Variants in MGAT4C observed in about 807,000 individuals in gnomAD.
The protein encoded by MGAT4C is MGAT4 family member C.
Under a neutral mutation model 40.1 loss-of-function variants are expected in MGAT4C, and 19 were observed. That is an observed-to-expected ratio of 0.47 (90% CI 0.33 to 0.70). MGAT4C has a LOEUF of 0.70. MGAT4C is among the 30% of genes least tolerant of loss of function. The pLI is 0.02. For missense variants in MGAT4C, 491 were observed against 563.2 expected, an observed-to-expected ratio of 0.87 and a Z score of 1.30; for synonymous variants, 181 against 187.1, an observed-to-expected ratio of 0.97 and a Z score of 0.27.
intron 1 of MGAT4C, among the ~76,000 whole-genome samples, chr12:86,253,269 A>C (rs1952377103): frequency 1.3e-5 from 2 of 151,906 alleles, no homozygotes. Flanking sequence ...TACCTAGAAG[A>C]GTGCCTGGCA....
chr12:86,254,086 A>C (rs368068650), intron 1 of MGAT4C, among the ~76,000 whole-genome samples: 52 of 152,036 alleles, frequency 3.4e-4, no homozygotes, highest in African/African-American at 1.1e-3. Flanking sequence ...ATTTAAAAGG[A>C]GGCAGAGAAT....
chr12:85,960,238 T>C lies in MGAT4C; in HGVS notation c.*19051A>G, dbSNP rs1454705301. 6.6e-6 allele frequency: 1 copy of C among 152,066 alleles called. No individual in the cohort carries two copies. The highest frequency in any genetic ancestry group is 2.4e-5 in the African/African-American group (1 of 41,442). 9.4% of individuals were successfully genotyped at this position (152,066 alleles called of 1,614,324 possible). ...AAATTTTCATCAAACGTCTTTGTCT[T>C]ATCCCCTTGTTATACAGACAAAGAT... On this transcript the variant is annotated 3_prime_UTR_variant, in exon 5 of 5. Coordinates refer to ENST00000611864, the MANE Select transcript of MGAT4C (RefSeq NM_001351288.2).
intron 2 of MGAT4C, among the ~76,000 whole-genome samples, chr12:86,528,846 T>C (rs766125146): frequency 1.3e-5 from 2 of 152,054 alleles, no homozygotes; most frequent in Non-Finnish European, 2.9e-5. Context: ...CAGTTGATAA[T>C]TGAAGCTATC....
intron 2 of MGAT4C, among the ~76,000 whole-genome samples, chr12:86,493,999 A>G (rs982570493): frequency 6.6e-6 from 1 of 152,006 alleles, no homozygotes. Context: ...GACATACAAT[A>G]AAATATCCTA....
Position 85,965,404 on chromosome 12 carries a change from T to C in MGAT4C, c.*13885A>G, listed in dbSNP as rs1031856485. 1 of 151,978 alleles carries C rather than the reference T, an allele frequency of 6.6e-6. No individual in the cohort carries two copies. Among genetic ancestry groups the C allele is most frequent in the Non-Finnish European group, 1.5e-5 (1 of 68,072 alleles). 9.4% of individuals were successfully genotyped at this position (151,978 alleles called of 1,614,324 possible). A position where few individuals can be genotyped will look rare whatever the true frequency, so the allele number is the denominator to read the frequency against. On this transcript the variant is annotated 3_prime_UTR_variant, in exon 5 of 5. Transcript: ENST00000611864. ...CGAGGTCAGGAGATCGAGAGCATCCTGGCTAACAAGGTGAAACCCCGTCTC... is the reference window on the plus strand; with the variant it reads ...CGAGGTCAGGAGATCGAGAGCATCCCGGCTAACAAGGTGAAACCCCGTCTC...
intron 1 of MGAT4C, among the ~76,000 whole-genome samples, chr12:86,088,228 T>C (rs1872263780): frequency 6.6e-6 from 1 of 151,998 alleles, no homozygotes; most frequent in Non-Finnish European, 1.5e-5. Context: ...CAACTCAAGA[T>C]GAATTAAAGA....
intron 1 of MGAT4C, among the ~76,000 whole-genome samples, chr12:86,231,372 T>G (rs2136015668): frequency 6.6e-6 from 1 of 152,294 alleles, no homozygotes; most frequent in Non-Finnish European, 1.5e-5. Context: ...CCCTACTTAT[T>G]ATATTTGTGT....
At chr12:86,773,325 G>T (rs1333355746) in intron 1 of MGAT4C, among the ~76,000 whole-genome samples, 1 of 152,066 alleles carries the variant, frequency 6.6e-6, no homozygotes. Flanking sequence ...ACAGGGAGAA[G>T]ATAGCCACCT....
chr12:86,098,357 G>C (rs1018402780), intron 1 of MGAT4C, among the ~76,000 whole-genome samples: 1 of 151,542 alleles, frequency 6.6e-6, no homozygotes, highest in South Asian at 2.1e-4. Context: ...TGTCTGAAAT[G>C]ATTTGGCCAC....
At chr12:86,476,199 G>A (rs1376650378) in intron 2 of MGAT4C, among the ~76,000 whole-genome samples, 1 of 151,896 alleles carries the variant, frequency 6.6e-6, no homozygotes, top group East Asian at 1.9e-4. Flanking sequence ...ATCTGACAAA[G>A]GTTTAATATC....
At chr12:86,018,365 C>A (rs962294690) in intron 2 of MGAT4C, among the ~76,000 whole-genome samples, 6 of 152,184 alleles carry the variant, frequency 3.9e-5, no homozygotes, top group African/African-American at 1.4e-4. Flanking sequence ...CTTAACCTCA[C>A]GTCAGGGAAA....
At position 85,965,034 on chromosome 12, in the gene MGAT4C, C is replaced by A. The variant is rs1883284587; in HGVS notation, c.*14255G>T. On this transcript the variant is annotated 3_prime_UTR_variant, in exon 5 of 5. Transcript: ENST00000611864. ...TGGAGGTCATGGATCCTTCTTGGCA[C>A]CTAAGATTAAAACTCATAGAATGTG... The A allele has an allele frequency of 1.3e-5, 2 of 152,146 alleles. No individual in the cohort carries two copies. The highest frequency in any genetic ancestry group is 4.8e-5 in the African/African-American group (2 of 41,410). The allele number at this position is 152,146 out of a possible 1,614,324, so 9.4% of individuals were successfully genotyped here.
At position 86,541,483 on chromosome 12, in the gene MGAT4C, A is replaced by T. The variant is rs1398509515; in HGVS notation, c.-228-106218T>A. ...CCAAAATGGCATTGACTTGTTATTG[A>T]TTTAACCAAAAGCAGTCCAAATTTA... On this transcript the variant is annotated intron_variant, in intron 2 of 7. Transcript: ENST00000548651. 2.6e-5 allele frequency among the ~76,000 whole-genome samples: 4 copies of T among 152,290 alleles called. No individual in the cohort carries two copies. The East Asian group carries it at 5.8e-4, about 22-fold the overall frequency.
chr12:86,590,489 C>T (rs1275194529), intron 2 of MGAT4C, among the ~76,000 whole-genome samples: 2 of 151,976 alleles, frequency 1.3e-5, no homozygotes, highest in Non-Finnish European at 1.5e-5. Context: ...AACTTATTGA[C>T]AAAATGAGCC....
At chr12:86,796,162 T>C (rs139797065) in intron 1 of MGAT4C, among the ~76,000 whole-genome samples, 154 of 151,836 alleles carry the variant, frequency 1.0e-3, no homozygotes, top group African/African-American at 3.6e-3. Flanking sequence ...TTTTCATGTC[T>C]GCTGTCTCAC....
At chr12:86,639,696 T>C (rs1444998139) in intron 2 of MGAT4C, among the ~76,000 whole-genome samples, 1 of 151,766 alleles carries the variant, frequency 6.6e-6, no homozygotes, top group Non-Finnish European at 1.5e-5. Flanking sequence ...ATGTATCTTA[T>C]GTGTCAGATA....
intron 3 of MGAT4C, among the ~76,000 whole-genome samples, chr12:86,362,340 G>A (rs1203757398): frequency 6.6e-6 from 1 of 152,100 alleles, no homozygotes; most frequent in East Asian, 1.9e-4. Context: ...CCTGGCATGG[G>A]GTGAGGGGAG....
At chr12:86,635,758 C>T (rs930620256) in intron 2 of MGAT4C, among the ~76,000 whole-genome samples, 3 of 151,772 alleles carry the variant, frequency 2.0e-5, no homozygotes, top group Admixed American at 2.0e-4. Context: ...CTCACTGCAA[C>T]CTTGAACTCC....
rs897318560 is a variant in MGAT4C, at chr12:86,696,908, A to C, written c.-229+30301T>G. ...ATATTCTGAACTATGGAAAATCACCAGACAAATAAACATTAGAAGACAACC... is the reference window on the plus strand; with the variant it reads ...ATATTCTGAACTATGGAAAATCACCCGACAAATAAACATTAGAAGACAACC... On this transcript the variant is annotated intron_variant, in intron 2 of 7. Transcript: ENST00000548651. Among the ~76,000 whole-genome samples, 11 of 152,306 alleles carry C rather than the reference A, an allele frequency of 7.2e-5. No homozygotes were observed. The East Asian group carries it at 1.9e-3, about 27-fold the overall frequency.
Sources: allele counts gnomAD v4.1 joint callset (sites outside exome capture counted in the v4.1 genomes callset), GRCh38; gene constraint gnomAD v4.1.1; transcripts MANE v1.5; gene names NCBI Gene and HGNC (gene_info 2026-07-23, HGNC 2026-07-21).